Variants in FAM184A observed in about 807,000 individuals in gnomAD.
FAM184A encodes protein FAM184A.
A neutral mutation model predicts 143.8 loss-of-function variants in FAM184A; 99 were observed. That is an observed-to-expected ratio of 0.69 (90% CI 0.58 to 0.81). The LOEUF is 0.81. Among genes scored for constraint, FAM184A ranks in the 40% least tolerant of loss-of-function variants. The pLI, the probability that FAM184A is intolerant of heterozygous loss-of-function variation, is 0.00. For synonymous variants in FAM184A, 427 were observed against 446.4 expected, an observed-to-expected ratio of 0.96 and a Z score of 0.55; for missense variants, 1,217 against 1,310.5, an observed-to-expected ratio of 0.93 and a Z score of 1.10.
intron 1 of FAM184A, among the ~76,000 whole-genome samples, chr6:119,093,487 C>A (rs1788426463): frequency 6.6e-6 from 1 of 152,194 alleles, no homozygotes. Flanking sequence ...TCCCATAGAT[C>A]TTTTCCTCTT....
chr6:119,147,701 C>T (rs1197267533), intron 1 of FAM184A, among the ~76,000 whole-genome samples: 1 of 152,222 alleles, frequency 6.6e-6, no homozygotes, highest in Non-Finnish European at 1.5e-5. Flanking sequence ...ACTTCTGTAA[C>T]AATCAGCCAG....
chr6:119,049,574 G>A (rs1056405792), intron 1 of FAM184A, among the ~76,000 whole-genome samples: 3 of 152,168 alleles, frequency 2.0e-5, no homozygotes, highest in Admixed American at 6.5e-5. Context: ...ACAAAAACAA[G>A]CAATGGGGAA....
At chr6:119,113,515 A>G (rs1184020779) in intron 1 of FAM184A, among the ~76,000 whole-genome samples, 2 of 151,984 alleles carry the variant, frequency 1.3e-5, no homozygotes, top group Middle Eastern at 3.4e-3. Context: ...CCATACAACT[A>G]TAGTTCTCAG....
chr6:119,139,854 G>A (rs1416535161), intron 1 of FAM184A, among the ~76,000 whole-genome samples: 1 of 152,126 alleles, frequency 6.6e-6, no homozygotes, highest in African/African-American at 2.4e-5. Context: ...CTGATTCCAG[G>A]TAAGAAACTG....
chr6:118,984,662 G>T (rs1784134694), intron 9 of FAM184A, among the ~76,000 whole-genome samples: 1 of 152,162 alleles, frequency 6.6e-6, no homozygotes, highest in African/African-American at 2.4e-5. Context: ...TGCAATATCG[G>T]TGTTTTTTCT....
intron 1 of FAM184A, among the ~76,000 whole-genome samples, chr6:119,094,764 G>GT (rs1788461143): frequency 9.8e-6 from 1 of 101,668 alleles, no homozygotes; most frequent in East Asian, 4.1e-4. Flanking sequence ...AGATGGAAAA[G>GT]TAAAAAAAAA....
chr6:119,086,625 C>T (rs979310094), intron 1 of FAM184A, among the ~76,000 whole-genome samples: 1 of 152,092 alleles, frequency 6.6e-6, no homozygotes, highest in Non-Finnish European at 1.5e-5. Flanking sequence ...AGAGGGATGT[C>T]AGAATGTGAG....
intron 1 of FAM184A, among the ~76,000 whole-genome samples, chr6:119,054,588 T>C (rs1476630718): frequency 6.6e-6 from 1 of 152,188 alleles, no homozygotes; most frequent in Non-Finnish European, 1.5e-5. Context: ...GATTTCAACA[T>C]ATGAAGTTTG....
At chr6:119,065,245 C>G (rs980590023) in intron 1 of FAM184A, among the ~76,000 whole-genome samples, 5 of 152,306 alleles carry the variant, frequency 3.3e-5, no homozygotes, top group African/African-American at 1.2e-4. Flanking sequence ...TCCCACCCCT[C>G]AGATCACTTA....
intron 14 of FAM184A, among the ~76,000 whole-genome samples, chr6:118,973,830 T>G (rs922024226): frequency 1.2e-4 from 18 of 152,322 alleles, no homozygotes; most frequent in African/African-American, 4.1e-4. Context: ...TTACTATGTA[T>G]GAGCGGTAAC....
At chr6:119,113,074 C>G (rs566506670) in intron 1 of FAM184A, among the ~76,000 whole-genome samples, 5 of 152,272 alleles carry the variant, frequency 3.3e-5, no homozygotes, top group South Asian at 2.1e-4. Flanking sequence ...CCACACCGCC[C>G]CAGTATGGCT....
chr6:118,966,304 G>A (rs1282081928), intron 15 of FAM184A, among the ~76,000 whole-genome samples: 2 of 152,160 alleles, frequency 1.3e-5, no homozygotes, highest in East Asian at 3.9e-4. Context: ...CTTTCCAAGA[G>A]AGAACCTCAG....
intron 9 of FAM184A, among the ~76,000 whole-genome samples, chr6:119,000,434 A>G (rs1453860837): frequency 6.6e-6 from 1 of 152,262 alleles, no homozygotes; most frequent in East Asian, 1.9e-4. Flanking sequence ...AAACTAAAAG[A>G]TACAAAATTG....
chr6:119,030,334 G>T (rs905574845), intron 1 of FAM184A, among the ~76,000 whole-genome samples: 4 of 151,992 alleles, frequency 2.6e-5, no homozygotes, highest in African/African-American at 9.7e-5. Flanking sequence ...AGCTTAACTG[G>T]ATATAGTATC....
At position 119,078,100 on chromosome 6, in the gene FAM184A, C is replaced by T; in HGVS notation, c.159+41G>A. On this transcript the variant is annotated intron_variant, in intron 1 of 17. Coordinates refer to ENST00000338891, the MANE Select transcript of FAM184A (RefSeq NM_024581.6). This position sits in a 1 kb window ranked among gnomAD's most constrained non-coding sequence, Gnocchi z 5.5. ...GGGAGACAGGTGAGTCCGGCGCGGC[C>T]CGCACGGGGTCGCCACCTGCCCCGT... is the stretch of plus-strand genomic sequence containing the variant. The T allele has an allele frequency of 6.5e-7, 1 of 1,548,502 alleles. No individual in the cohort carries two copies. The highest frequency in any genetic ancestry group is 8.7e-7 in the Non-Finnish European group (1 of 1,151,746).
intron 1 of FAM184A, among the ~76,000 whole-genome samples, chr6:119,060,226 T>G (rs1404465709): frequency 6.6e-6 from 1 of 152,238 alleles, no homozygotes; most frequent in Non-Finnish European, 1.5e-5. Flanking sequence ...TCCCTCCTAG[T>G]ATCATGTCTA....
At chr6:119,050,567 G>A (rs900723017) in intron 1 of FAM184A, among the ~76,000 whole-genome samples, 1 of 151,750 alleles carries the variant, frequency 6.6e-6, no homozygotes, top group African/African-American at 2.4e-5. Flanking sequence ...AGCACTTTGG[G>A]AGGCTGAGGC....
chr6:119,096,379 G>A (rs1788508893), intron 1 of FAM184A, among the ~76,000 whole-genome samples: 1 of 31,588 alleles, frequency 3.2e-5, no homozygotes, highest in Non-Finnish European at 6.6e-5. Flanking sequence ...GCTCACGCCT[G>A]TAATCCCAGC....
chr6:119,141,788 T>TA (rs960038268), intron 1 of FAM184A, among the ~76,000 whole-genome samples: 5 of 151,214 alleles, frequency 3.3e-5, no homozygotes, highest in African/African-American at 4.9e-5. Flanking sequence ...CTGTGCTCCT[T>TA]AAAAAAAAAG....
Sources: allele counts gnomAD v4.1 joint callset (sites outside exome capture counted in the v4.1 genomes callset), GRCh38; gene constraint gnomAD v4.1.1; non-coding constraint Gnocchi (gnomAD v3.1); transcripts MANE v1.5; gene names NCBI Gene and HGNC (gene_info 2026-07-23, HGNC 2026-07-21).